Variants in PMEPA1 observed in about 807,000 individuals in gnomAD.
The protein encoded by PMEPA1 is prostate transmembrane protein, androgen induced 1.
A neutral mutation model predicts 23.0 loss-of-function variants in PMEPA1; 11 were observed. That is an observed-to-expected ratio of 0.48 (90% confidence interval 0.30 to 0.79). PMEPA1 has a LOEUF of 0.79. Ranked by LOEUF, PMEPA1 falls within the 30% of genes least tolerant of loss-of-function variation. The pLI, the probability that PMEPA1 is intolerant of heterozygous loss-of-function variation, is 0.06. For synonymous variants in PMEPA1, 204 were observed against 166.4 expected (o/e 1.23, Z -1.74); for missense variants, 377 against 390.9 (o/e 0.96, Z 0.30).
chr20:57,661,723 G>C (rs2071421730), intron 1 of PMEPA1, among the ~76,000 whole-genome samples: 1 of 152,160 alleles, frequency 6.6e-6, no homozygotes, highest in Admixed American at 6.5e-5. Flanking sequence ...CAAACCCGGG[G>C]GGCCCAGCCA....
intron 2 of PMEPA1, among the ~76,000 whole-genome samples, chr20:57,657,203 G>A (rs117154638): frequency 0.02 from 3,106 of 152,228 alleles, 53 homozygotes; most frequent in Non-Finnish European, 0.031. Flanking sequence ...ACCACGGGCC[G>A]CACAGGCCTA....
intron 1 of PMEPA1, among the ~76,000 whole-genome samples, chr20:57,696,824 T>C (rs59583513): frequency 0.048 from 7,319 of 152,294 alleles, 337 homozygotes; most frequent in African/African-American, 0.12. Flanking sequence ...GAGCTCAAGA[T>C]TTCTGTGGAG....
intron 1 of PMEPA1, among the ~76,000 whole-genome samples, chr20:57,696,832 G>T (rs1438902996): frequency 6.6e-6 from 1 of 152,244 alleles, no homozygotes; most frequent in Non-Finnish European, 1.5e-5. Flanking sequence ...GATTTCTGTG[G>T]AGAGAGGCTG....
Position 57,651,784 on chromosome 20 carries a change from T to A in PMEPA1, c.*269A>T, listed in dbSNP as rs567610879. 5.4e-5 allele frequency: 17 copies of A among 315,788 alleles called. No individual in the cohort carries two copies. In the East Asian group the frequency reaches 7.9e-4, roughly 15 times the overall value. 19.6% of individuals were successfully genotyped at this position (315,788 alleles called of 1,614,324 possible). On this transcript the variant is annotated 3_prime_UTR_variant, in exon 4 of 4. Transcript: ENST00000341744. ...CAACTAGAAACAAGAAAGACTACTG[T>A]AGAAATTTTTTTTCTTTTGCCTTCA...
chr20:57,704,397 T>TCTCCCGCACAG lies in PMEPA1; in HGVS notation c.109+5066_109+5076dup, dbSNP rs553617391. On this transcript the variant is annotated intron_variant, in intron 1 of 3. Transcript: ENST00000341744. This position sits in a 1 kb window ranked among gnomAD's most constrained non-coding sequence, Gnocchi z 4.6. ...AGAGGGTGCATGAAGAGTAGGTCCG[T>TCTCCCGCACAG]CTCCCGCACAGCTCCCGCACGTGCC... Among the ~76,000 whole-genome samples, 145 of 152,126 alleles carry TCTCCCGCACAG rather than the reference T, an allele frequency of 9.5e-4. 2 individuals carry two copies. Among genetic ancestry groups the TCTCCCGCACAG allele is most frequent in the African/African-American group, 3.3e-3 (136 of 41,492 alleles).
chr20:57,664,647 C>T (rs946892977), intron 1 of PMEPA1, among the ~76,000 whole-genome samples: 1 of 152,212 alleles, frequency 6.6e-6, no homozygotes, highest in South Asian at 2.1e-4. Context: ...GGATCAGATG[C>T]CTCGCGGGCA....
chr20:57,710,686 T>C (rs535161603), upstream of PMEPA1: 67 of 494,112 alleles, frequency 1.4e-4, 1 homozygote, highest in South Asian at 1.8e-3. Context: ...TCCACACCCA[T>C]TGTCTGCTGC....
intron 1 of PMEPA1, 114 bp from the exon 2 acceptor site, chr20:57,659,811 A>T: frequency 1.0e-6 from 1 of 968,460 alleles, no homozygotes. Context: ...TGCAACCCAG[A>T]CTCAGGAAAG....
Position 57,674,854 on chromosome 20 carries a change from C to A in PMEPA1, c.110-15157G>T, listed in dbSNP as rs139993387. 3.0e-3 allele frequency among the ~76,000 whole-genome samples: 455 copies of A among 152,338 alleles called. 5 individuals are homozygous for A. Among genetic ancestry groups the A allele is most frequent in the African/African-American group, 0.011 (439 of 41,584 alleles). The stretch of plus-strand genomic sequence containing the variant: ...GAGGGCACGCAAATTCTACTGTGAT[C>A]TGTCCTCTCTGGAGCACAGCAATTT... On this transcript the variant is annotated intron_variant, in intron 1 of 3. Transcript: ENST00000341744.
chr20:57,709,444 C>T (rs1242527490), intron 1 of PMEPA1, 30 bp downstream of exon 1: 2 of 1,091,090 alleles, frequency 1.8e-6, no homozygotes, highest in Non-Finnish European at 2.3e-6. Context: ...CCGATGGAGT[C>T]TCCGGGGAGG....
At chr20:57,653,822 C>T (rs891089113) in intron 2 of PMEPA1, among the ~76,000 whole-genome samples, 5 of 152,210 alleles carry the variant, frequency 3.3e-5, no homozygotes, top group African/African-American at 9.7e-5. Flanking sequence ...AGGGCCTCTC[C>T]CGTGAACCTT....
chr20:57,705,578 T>C (rs1028335650), intron 1 of PMEPA1, among the ~76,000 whole-genome samples: 6 of 152,222 alleles, frequency 3.9e-5, no homozygotes, highest in South Asian at 2.1e-4. Flanking sequence ...GCCCCTATCT[T>C]TCCTTCATGG....
intron 1 of PMEPA1, among the ~76,000 whole-genome samples, chr20:57,669,679 C>T (rs998388126): frequency 5.3e-5 from 8 of 152,128 alleles, no homozygotes; most frequent in African/African-American, 1.9e-4. Context: ...ACAGGTGAAA[C>T]CTTCTGATAC....
At position 57,703,608 on chromosome 20, in the gene PMEPA1, G is replaced by T. The variant is rs1034548452; in HGVS notation, c.109+5866C>A. Among the ~76,000 whole-genome samples the T allele has an allele frequency of 5.3e-5, 8 of 152,236 alleles. 1 individual carries two copies. Among genetic ancestry groups the T allele is most frequent in the African/African-American group, 1.9e-4 (8 of 41,466 alleles). Reference sequence around the variant, plus strand: ...GGGGTCGTTGCCAGCCAGGTCTGCGGTGGGCCTGGCAAGGACAAGGAGTAT... The same window carrying T: ...GGGGTCGTTGCCAGCCAGGTCTGCGTTGGGCCTGGCAAGGACAAGGAGTAT... On this transcript the variant is annotated intron_variant, in intron 1 of 3. Coordinates refer to ENST00000341744, the MANE Select transcript of PMEPA1 (RefSeq NM_020182.5).
intron 1 of PMEPA1, among the ~76,000 whole-genome samples, chr20:57,667,738 G>A (rs1166589030): frequency 1.3e-5 from 2 of 152,154 alleles, no homozygotes; most frequent in Non-Finnish European, 2.9e-5. Flanking sequence ...CCCGCCTGGC[G>A]GGGCCTCATT....
intron 1 of PMEPA1, chr20:57,699,962 C>G (rs190808108): frequency 5.0e-5 from 23 of 458,870 alleles, no homozygotes; most frequent in African/African-American, 3.2e-4. Flanking sequence ...ACATAAAATA[C>G]AAATGTATAT....
At chr20:57,668,580 C>T (rs925794958) in intron 1 of PMEPA1, among the ~76,000 whole-genome samples, 4 of 152,154 alleles carry the variant, frequency 2.6e-5, no homozygotes, top group Non-Finnish European at 5.9e-5. Context: ...TTAAGCAGGC[C>T]CCGGTCCAGC....
chr20:57,664,187 G>T (rs1388145873), intron 1 of PMEPA1, among the ~76,000 whole-genome samples: 1 of 152,178 alleles, frequency 6.6e-6, no homozygotes, highest in African/African-American at 2.4e-5. Flanking sequence ...ACGGGAGCAG[G>T]GCTGTGGGCA....
At chr20:57,669,266 T>C (rs2865396) in intron 1 of PMEPA1, among the ~76,000 whole-genome samples, 1 of 152,104 alleles carries the variant, frequency 6.6e-6, no homozygotes, top group African/African-American at 2.4e-5. Flanking sequence ...GGTCAGGCAA[T>C]TCTTGTGCCT....
Sources: allele counts gnomAD v4.1 joint callset (sites outside exome capture counted in the v4.1 genomes callset), GRCh38; gene constraint gnomAD v4.1.1; non-coding constraint Gnocchi (gnomAD v3.1); transcripts MANE v1.5; gene names NCBI Gene and HGNC (gene_info 2026-07-23, HGNC 2026-07-21).